The following FRY variants were observed in gnomAD, a reference collection of about 807,000 sequenced individuals.
FRY encodes the protein FRY microtubule binding protein.
A neutral mutation model predicts 348.4 loss-of-function variants in FRY; 128 were observed. The ratio of observed to expected loss-of-function variants is 0.37; its 90% confidence interval spans 0.32 to 0.43. The LOEUF is 0.43. Ranked by LOEUF, FRY falls within the 20% of genes least tolerant of loss-of-function variation. The pLI, the probability that FRY is intolerant of heterozygous loss-of-function variation, is 1.00. For synonymous variants in FRY, 1,370 were observed against 1,374.7 expected (o/e 1.00, Z 0.08); for missense variants, 2,736 against 3,695.2 (o/e 0.74, Z 6.73).
intron 1 of FRY, among the ~76,000 whole-genome samples, chr13:32,045,112 T>G (rs920449082): frequency 6.6e-6 from 1 of 152,202 alleles, no homozygotes; most frequent in African/African-American, 2.4e-5. Context: ...TATTTTCTTA[T>G]CAACTTGCTG....
chr13:32,243,903 G>A, intron 46 of FRY, 139 bp from the exon 47 acceptor site: 1 of 886,228 alleles, frequency 1.1e-6, no homozygotes, highest in South Asian at 1.4e-5. Context: ...ACTAGGCTGG[G>A]CAACATAGCA....
At chr13:32,291,292 T>C (rs1889342991) in intron 59 of FRY, among the ~76,000 whole-genome samples, 2 of 152,226 alleles carry the variant, frequency 1.3e-5, no homozygotes, top group African/African-American at 2.4e-5. Context: ...AAAGTAGGCC[T>C]TCACAACCAG....
intron 21 of FRY, 22 bp downstream of exon 21, chr13:32,178,458 C>T: frequency 1.2e-6 from 2 of 1,613,442 alleles, no homozygotes; most frequent in South Asian, 2.2e-5. Context: ...TTGTGTTTTC[C>T]TCTGCCCTCT....
chr13:32,155,717 G>A (rs778445638), intron 15 of FRY, 55 bp downstream of exon 15: 55 of 1,240,644 alleles, frequency 4.4e-5, no homozygotes, highest in Non-Finnish European at 6.0e-5. Flanking sequence ...AAAATGACCA[G>A]TAGATATTTA....
intron 7 of FRY, among the ~76,000 whole-genome samples, chr13:32,128,143 GTCATGGTCATT>G (rs1389579150): frequency 1.3e-5 from 2 of 152,138 alleles, no homozygotes; most frequent in Non-Finnish European, 2.9e-5. Flanking sequence ...TTGCTTGACA[GTCATGGTCATT>G]TCTGCTTCCT....
At chr13:32,265,108 G>A (rs2138557037) in intron 53 of FRY, among the ~76,000 whole-genome samples, 1 of 152,300 alleles carries the variant, frequency 6.6e-6, no homozygotes, top group East Asian at 1.9e-4. Flanking sequence ...GTGGAGCATT[G>A]TTTCCTTATC....
intron 1 of FRY, among the ~76,000 whole-genome samples, chr13:32,066,924 A>G (rs1874293719): frequency 6.6e-6 from 1 of 152,236 alleles, no homozygotes; most frequent in African/African-American, 2.4e-5. Context: ...TCTAGCAAAT[A>G]CTGTATTATA....
chr13:32,052,631 C>T lies in FRY; in HGVS notation c.70+20766C>T, dbSNP rs548597075. On this transcript the variant is annotated intron_variant, in intron 1 of 60. Transcript: ENST00000542859. ...GAACTCAGTGTGTGTTTTACACCAT[C>T]AACATATTTAAATTTGAATACCAAA... Among the ~76,000 whole-genome samples, 312 of 152,174 alleles carry T rather than the reference C, an allele frequency of 2.1e-3. 3 individuals carry two copies. Among genetic ancestry groups the T allele is most frequent in the African/African-American group, 7.3e-3 (302 of 41,524 alleles).
chr13:32,130,647 G>A (rs1879300178), intron 7 of FRY, among the ~76,000 whole-genome samples: 2 of 152,134 alleles, frequency 1.3e-5, no homozygotes, highest in South Asian at 4.2e-4. Context: ...TAATATTGTT[G>A]TAATTAGTAT....
intron 11 of FRY, among the ~76,000 whole-genome samples, chr13:32,146,543 C>T (rs2138826278): frequency 6.6e-6 from 1 of 152,240 alleles, no homozygotes; most frequent in East Asian, 1.9e-4. Flanking sequence ...ACCATCTTGG[C>T]CAGGCTGGTA....
intron 28 of FRY, among the ~76,000 whole-genome samples, chr13:32,189,466 A>G (rs867074896): frequency 6.6e-6 from 1 of 152,138 alleles, no homozygotes; most frequent in African/African-American, 2.4e-5. Context: ...TAGAAAAAGA[A>G]TAGACTATCA....
chr13:32,157,406 G>T lies in FRY; in HGVS notation c.1784+1G>T. On this transcript the variant is annotated splice_donor_variant, in intron 16 of 60. Coordinates refer to ENST00000542859, the MANE Select transcript of FRY (RefSeq NM_023037.3). LOFTEE classifies it high-confidence loss of function. The stretch of plus-strand genomic sequence containing the variant: ...ACAAAGAACCGGAAGACATGATCAC[G>T]TGAGTACAGTAAAGACTAAGTTATC... 1 of 1,612,478 alleles carries T rather than the reference G, an allele frequency of 6.2e-7. No individual in the cohort carries two copies. The highest frequency in any genetic ancestry group is 8.5e-7 in the Non-Finnish European group (1 of 1,178,730).
At chr13:32,069,402 C>T (rs959972098) in intron 1 of FRY, among the ~76,000 whole-genome samples, 1 of 152,134 alleles carries the variant, frequency 6.6e-6, no homozygotes, top group Non-Finnish European at 1.5e-5. Flanking sequence ...CAAATTACAA[C>T]GTTTATGTTG....
At chr13:32,245,643 A>G (rs1297528476) in intron 47 of FRY, among the ~76,000 whole-genome samples, 6 of 152,114 alleles carry the variant, frequency 3.9e-5, no homozygotes, top group African/African-American at 1.4e-4. Flanking sequence ...AAGATAGCTC[A>G]AACACACCAG....
In FRY at chr13:32,237,171, C is replaced by A. The variant is rs1169305959; in HGVS notation, c.5811-208C>A. Reference sequence around the variant, plus strand: ...ATTCCTCTACATTTTCAAGAAGTAGCAGTCAGTATTGGGCTTTTTGTTTTG... The same window carrying A: ...ATTCCTCTACATTTTCAAGAAGTAGAAGTCAGTATTGGGCTTTTTGTTTTG... On this transcript the variant is annotated intron_variant, in intron 43 of 60. Coordinates refer to ENST00000542859, the MANE Select transcript of FRY (RefSeq NM_023037.3). This position sits in a 1 kb window ranked among gnomAD's most constrained non-coding sequence, Gnocchi z 6.3. Among the ~76,000 whole-genome samples, 1 of 152,098 alleles carries A rather than the reference C, an allele frequency of 6.6e-6. No individual in the cohort carries two copies. The highest frequency in any genetic ancestry group is 2.1e-4 in the South Asian group (1 of 4,830).
chr13:32,291,041 G>A (rs556714527), intron 59 of FRY, among the ~76,000 whole-genome samples: 8 of 152,144 alleles, frequency 5.3e-5, no homozygotes, highest in South Asian at 2.1e-4. Flanking sequence ...GTGGTTAGAC[G>A]TGAGGTCAGG....
intron 60 of FRY, 65 bp downstream of exon 60, chr13:32,294,635 G>A (rs2138665301): frequency 1.6e-6 from 2 of 1,243,712 alleles, no homozygotes; most frequent in East Asian, 2.3e-5. Context: ...ACTCTGTCAT[G>A]GTTGGAGTCT....
In FRY at chr13:32,296,706, T is replaced by C. The variant is rs2072068656; in HGVS notation, c.*1246T>C. On this transcript the variant is annotated 3_prime_UTR_variant, in exon 61 of 61. Transcript: ENST00000542859. ...TCCTGGGCACACATGAAGTTTTGCATGTGGGTTGCCAAAGTAATAACCCCA... is the reference window on the plus strand; with the variant it reads ...TCCTGGGCACACATGAAGTTTTGCACGTGGGTTGCCAAAGTAATAACCCCA... The C allele has an allele frequency of 6.6e-6, 1 of 152,270 alleles. No individual in the cohort carries two copies. Among genetic ancestry groups the C allele is most frequent in the South Asian group, 2.1e-4 (1 of 4,826 alleles). 9.4% of individuals were successfully genotyped at this position (152,270 alleles called of 1,614,324 possible).
intron 4 of FRY, among the ~76,000 whole-genome samples, chr13:32,120,090 C>T (rs753387090): frequency 6.6e-6 from 1 of 152,140 alleles, no homozygotes; most frequent in Non-Finnish European, 1.5e-5. Context: ...ATCTTCCTGG[C>T]AAGTCTAAAT....
Sources: gnomAD v4.1 joint callset for allele counts (sites outside exome capture counted in the v4.1 genomes callset) on GRCh38, gnomAD v4.1.1 for gene constraint, Gnocchi (gnomAD v3.1) non-coding constraint, MANE v1.5 for transcripts, NCBI Gene and HGNC (gene_info 2026-07-23, HGNC 2026-07-21) for gene names.